Variants in CMC2 observed in about 807,000 individuals in gnomAD.
CMC2 encodes the protein C-X9-C motif containing 2, also known as COX assembly mitochondrial protein 2 homolog.
Under a neutral mutation model 7.5 loss-of-function variants are expected in CMC2, and 5 were observed. The ratio of observed to expected loss-of-function variants is 0.66; its 90% CI spans 0.35 to 1.40. CMC2 has a LOEUF of 1.40. Ranked by LOEUF, CMC2 falls within the 40% of genes most tolerant of loss-of-function variation. The pLI, the probability that CMC2 is intolerant of heterozygous loss-of-function variation, is 0.04. For synonymous variants in CMC2, 37 were observed against 31.4 expected (o/e 1.18, Z -0.60); for missense variants, 115 against 92.3 (o/e 1.25, Z -1.01).
chr16:80,985,751 A>AAAGGAAACGACCAACTAAGCTG (rs1260036717), intron 2 of CMC2, among the ~76,000 whole-genome samples: 2 of 152,110 alleles, frequency 1.3e-5, no homozygotes, highest in African/African-American at 4.8e-5. Flanking sequence ...AGGAAAGGGA[A>AAAGGAAACGACCAACTAAGCTG]AAGGAAACGA....
chr16:80,994,975 G>A (rs181340695), intron 2 of CMC2, among the ~76,000 whole-genome samples: 21 of 152,002 alleles, frequency 1.4e-4, no homozygotes, highest in African/African-American at 4.6e-4. Flanking sequence ...ATGAAACCCC[G>A]TCTCTACTAA....
chr16:80,997,194 A>G, intron 2 of CMC2, 120 bp downstream of exon 2: 1 of 683,400 alleles, frequency 1.5e-6, no homozygotes, highest in Non-Finnish European at 2.6e-6. Context: ...AATCTTGACT[A>G]AACTCAGACT....
chr16:81,006,859 T>C lies in CMC2; in HGVS notation c.-161A>G. On this transcript the variant is annotated 5_prime_UTR_variant, in exon 1 of 4. Coordinates refer to ENST00000219400, the MANE Select transcript of CMC2 (RefSeq NM_020188.5). ...CAGACGCCGAAACCCAGTGACGCCC[T>C]CCACCGCTCCACCGTGCTCCCGGCT... 2.0e-6 allele frequency: 2 copies of C among 985,720 alleles called. No homozygotes were observed. Among genetic ancestry groups the C allele is most frequent in the Middle Eastern group, 5.2e-4 (1 of 1,914 alleles). The allele number at this position is 985,720 out of a possible 1,614,324, so 61.1% of individuals were successfully genotyped here. A position where few individuals can be genotyped will look rare whatever the true frequency, so the allele number is the denominator to read the frequency against.
In CMC2 at chr16:80,981,887, A is replaced by G; in HGVS notation, c.82-10T>C. 2 of 1,580,162 alleles carry G rather than the reference A, an allele frequency of 1.3e-6. No homozygotes were observed. Among genetic ancestry groups the G allele is most frequent in the Non-Finnish European group, 8.7e-7 (1 of 1,151,262 alleles). Reference sequence around the variant, plus strand: ...ATTTCAGAATGTTGTGCTAAAAGGAAGAAAAGGAGTAAAATATTTCATCCC... The same window carrying G: ...ATTTCAGAATGTTGTGCTAAAAGGAGGAAAAGGAGTAAAATATTTCATCCC... On this transcript the variant is annotated splice_polypyrimidine_tract_variant and intron_variant, in intron 2 of 3. Transcript: ENST00000219400.
In CMC2 at chr16:80,975,493, A is replaced by T. The variant is rs188353335; in HGVS notation, c.*600T>A. ...GCCAGGCATGGTAGCCTGCGCCTGT[A>T]GCCCCAGCTACTAGAGAGGCTGAGG... On this transcript the variant is annotated 3_prime_UTR_variant, in exon 4 of 4. Coordinates refer to ENST00000219400, the MANE Select transcript of CMC2 (RefSeq NM_020188.5). The T allele has an allele frequency of 6.7e-6, 1 of 150,042 alleles. No individual in the cohort carries two copies. Among genetic ancestry groups the T allele is most frequent in the East Asian group, 1.9e-4 (1 of 5,182 alleles). The allele number at this position is 150,042 out of a possible 1,614,324, so 9.3% of individuals were successfully genotyped here.
intron 2 of CMC2, among the ~76,000 whole-genome samples, chr16:80,985,318 C>A (rs1967437791): frequency 6.6e-6 from 1 of 152,134 alleles, no homozygotes; most frequent in Non-Finnish European, 1.5e-5. Context: ...TTTCCCGGGG[C>A]TACATGAAGT....
chr16:80,979,878 T>C (rs1186256924), intron 3 of CMC2, among the ~76,000 whole-genome samples: 1 of 152,174 alleles, frequency 6.6e-6, no homozygotes, highest in Non-Finnish European at 1.5e-5. Flanking sequence ...TGTCTTGGCC[T>C]CTCAGAATGC....
intron 2 of CMC2, chr16:80,984,100 A>G (rs1389350421): frequency 1.3e-5 from 2 of 152,250 alleles, no homozygotes; most frequent in African/African-American, 4.8e-5. Context: ...TTAAAAAATA[A>G]AATAACATCT....
chr16:80,971,032 G>C lies in CMC2; in HGVS notation c.*5061C>G, dbSNP rs976747851. ...TGCCTGTAGTCCCAGCCACTCAGGA[G>C]GCTAAGGCACGAGAATTGCTTGAAG... On this transcript the variant is annotated 3_prime_UTR_variant, in exon 4 of 4. Transcript: ENST00000219400. 2 of 152,158 alleles carry C rather than the reference G, an allele frequency of 1.3e-5. No homozygotes were observed. Among genetic ancestry groups the C allele is most frequent in the African/African-American group, 4.8e-5 (2 of 41,426 alleles). 9.4% of individuals were successfully genotyped at this position (152,158 alleles called of 1,614,324 possible). A position where few individuals can be genotyped will look rare whatever the true frequency, so the allele number is the denominator to read the frequency against.
Position 80,967,135 on chromosome 16 carries a change from T to C in CMC2, c.*8958A>G, listed in dbSNP as rs922717006. The stretch of plus-strand genomic sequence containing the variant: ...CTAAGAGCTGCAGATACAGGAATAA[T>C]GTGGTGTCTGCCCAGAGAGGTGTCA... On this transcript the variant is annotated 3_prime_UTR_variant, in exon 4 of 4. Transcript: ENST00000219400. 2.6e-5 allele frequency: 4 copies of C among 152,206 alleles called. No homozygotes were observed. The highest frequency in any genetic ancestry group is 2.1e-4 in the South Asian group (1 of 4,832). 9.4% of individuals were successfully genotyped at this position (152,206 alleles called of 1,614,324 possible).
chr16:80,978,917 TAAAAATACA>T (rs1966882167), intron 3 of CMC2, among the ~76,000 whole-genome samples: 1 of 151,880 alleles, frequency 6.6e-6, no homozygotes, highest in South Asian at 2.1e-4. Flanking sequence ...CCGTCTCTAC[TAAAAATACA>T]AAAAATTAGC....
At chr16:80,987,019 T>C (rs1967595305) in intron 2 of CMC2, among the ~76,000 whole-genome samples, 1 of 151,672 alleles carries the variant, frequency 6.6e-6, no homozygotes, top group Admixed American at 6.6e-5. Context: ...TGTGGAAGAG[T>C]GTTTTGAGAG....
chr16:80,979,064 G>T (rs746852575), intron 3 of CMC2, among the ~76,000 whole-genome samples: 1 of 151,418 alleles, frequency 6.6e-6, no homozygotes, highest in Non-Finnish European at 1.5e-5. Context: ...CTGGGTGACA[G>T]AGTGAGACTC....
intron 1 of CMC2, among the ~76,000 whole-genome samples, chr16:81,000,240 G>A (rs1364480758): frequency 1.3e-5 from 2 of 152,206 alleles, no homozygotes; most frequent in Admixed American, 1.3e-4. Flanking sequence ...GCTCACACCT[G>A]TAATCCCAGC....
At chr16:81,000,431 G>C (rs1175026715) in intron 1 of CMC2, among the ~76,000 whole-genome samples, 1 of 152,198 alleles carries the variant, frequency 6.6e-6, no homozygotes, top group Non-Finnish European at 1.5e-5. Context: ...AGGAGGCGGA[G>C]GTTGCAGTGA....
chr16:80,980,057 C>G (rs1351418793), intron 3 of CMC2, among the ~76,000 whole-genome samples: 1 of 152,074 alleles, frequency 6.6e-6, no homozygotes, highest in Non-Finnish European at 1.5e-5. Flanking sequence ...TAGCTGGGAC[C>G]ACAGGTCTGT....
chr16:80,990,253 C>G (rs1213141750), intron 2 of CMC2, among the ~76,000 whole-genome samples: 1 of 152,098 alleles, frequency 6.6e-6, no homozygotes, highest in East Asian at 1.9e-4. Flanking sequence ...TCACTGCAAC[C>G]TCTGTCTCCC....
intron 2 of CMC2, among the ~76,000 whole-genome samples, chr16:80,996,378 A>G (rs1872365703): frequency 6.6e-6 from 1 of 152,212 alleles, no homozygotes; most frequent in South Asian, 2.1e-4. Context: ...AACACAAATA[A>G]TTAGTTCTTG....
chr16:81,001,713 T>C (rs1054048369), intron 1 of CMC2, among the ~76,000 whole-genome samples: 3 of 152,076 alleles, frequency 2.0e-5, no homozygotes, highest in Non-Finnish European at 4.4e-5. Flanking sequence ...AAACTGCCCA[T>C]CCACCTCCCA....
Sources: gnomAD v4.1 joint callset for allele counts (sites outside exome capture counted in the v4.1 genomes callset) on GRCh38, gnomAD v4.1.1 for gene constraint, MANE v1.5 for transcripts, NCBI Gene and HGNC (gene_info 2026-07-23, HGNC 2026-07-21) for gene names.